The following SGCZ variants were observed in gnomAD, a reference collection of about 807,000 sequenced individuals.
SGCZ encodes the protein zeta-sarcoglycan.
In SGCZ, 40 loss-of-function variants were observed where a neutral mutation model predicts 41.3. That is an observed-to-expected ratio of 0.97 (90% confidence interval 0.75 to 1.26). The LOEUF (loss-of-function observed/expected upper bound fraction) is 1.26. Among genes scored for constraint, SGCZ ranks in the 50% most tolerant of loss-of-function variants. The pLI is 0.00. For missense variants in SGCZ, 552 were observed against 369.8 expected, an observed-to-expected ratio of 1.49 and a Z score of -4.04; for synonymous variants, 206 against 137.5, an observed-to-expected ratio of 1.50 and a Z score of -3.49.
intron 4 of SGCZ, among the ~76,000 whole-genome samples, chr8:14,196,617 C>T (rs568929836): frequency 3.3e-5 from 5 of 152,164 alleles, no homozygotes; most frequent in African/African-American, 1.2e-4. Flanking sequence ...TTAATAACTG[C>T]AATCTGAAAA....
At chr8:14,237,745 A>G in intron 3 of SGCZ, 66 bp from the exon 4 acceptor site, 3 of 1,297,726 alleles carry the variant, frequency 2.3e-6, no homozygotes, top group Non-Finnish European at 3.3e-6. Flanking sequence ...AAAAAAATAT[A>G]CTGCATTTGT....
chr8:14,797,519 A>T (rs1300430886), intron 1 of SGCZ, among the ~76,000 whole-genome samples: 1 of 152,232 alleles, frequency 6.6e-6, no homozygotes, highest in Non-Finnish European at 1.5e-5. Flanking sequence ...AGCATTCAAG[A>T]GGATGGCTAG....
At chr8:14,658,881 G>A (rs1486334496) in intron 1 of SGCZ, among the ~76,000 whole-genome samples, 5 of 151,190 alleles carry the variant, frequency 3.3e-5, no homozygotes, top group Non-Finnish European at 7.4e-5. Context: ...AAAGAGAAAA[G>A]AAGAAAGAAA....
intron 2 of SGCZ, among the ~76,000 whole-genome samples, chr8:14,473,358 A>G (rs1460594335): frequency 6.6e-6 from 1 of 152,206 alleles, no homozygotes; most frequent in Non-Finnish European, 1.5e-5. Context: ...TTCAGATTAA[A>G]CCAAAGTTCT....
At chr8:15,032,176 C>A (rs1000878263) in intron 1 of SGCZ, among the ~76,000 whole-genome samples, 1 of 151,952 alleles carries the variant, frequency 6.6e-6, no homozygotes, top group South Asian at 2.1e-4. Flanking sequence ...GACATTCAAG[C>A]GCTCACACCC....
At chr8:14,898,338 T>C (rs1205027192) in intron 1 of SGCZ, among the ~76,000 whole-genome samples, 2 of 152,154 alleles carry the variant, frequency 1.3e-5, no homozygotes, top group South Asian at 4.1e-4. Flanking sequence ...GTCAACAGCC[T>C]GTGCCAGGGT....
chr8:14,729,620 C>T (rs1385902839), intron 1 of SGCZ, among the ~76,000 whole-genome samples: 1 of 151,126 alleles, frequency 6.6e-6, no homozygotes, highest in African/African-American at 2.4e-5. Context: ...CTTGATCTTG[C>T]ACTTACAGCA....
intron 1 of SGCZ, among the ~76,000 whole-genome samples, chr8:14,564,221 T>C (rs1804290313): frequency 6.6e-6 from 1 of 152,226 alleles, no homozygotes; most frequent in African/African-American, 2.4e-5. Flanking sequence ...GCAAATTTAA[T>C]CTGGATTCCA....
intron 2 of SGCZ, among the ~76,000 whole-genome samples, chr8:14,390,300 TTTTG>T (rs1476513448): frequency 1.3e-5 from 2 of 151,838 alleles, no homozygotes; most frequent in African/African-American, 4.8e-5. Context: ...TAAAATATTA[TTTTG>T]TTTAATAATT....
At chr8:14,122,513 G>A (rs528061800) in intron 5 of SGCZ, among the ~76,000 whole-genome samples, 1 of 152,228 alleles carries the variant, frequency 6.6e-6, no homozygotes, top group Non-Finnish European at 1.5e-5. Flanking sequence ...TAATCAAAAT[G>A]TTCATCAATA....
At chr8:15,002,580 G>A (rs548805436) in intron 1 of SGCZ, among the ~76,000 whole-genome samples, 7 of 152,146 alleles carry the variant, frequency 4.6e-5, no homozygotes, top group African/African-American at 1.4e-4. Context: ...AAATTGAAGT[G>A]AGAAATAAGA....
intron 3 of SGCZ, among the ~76,000 whole-genome samples, chr8:14,254,457 G>C (rs1161323237): frequency 6.6e-6 from 1 of 152,122 alleles, no homozygotes; most frequent in Non-Finnish European, 1.5e-5. Flanking sequence ...TAGAGCATTA[G>C]GGATATAGTC....
chr8:14,481,977 C>T (rs1466294044), intron 2 of SGCZ, among the ~76,000 whole-genome samples: 2 of 152,144 alleles, frequency 1.3e-5, no homozygotes, highest in African/African-American at 4.8e-5. Context: ...ACCTACCGGA[C>T]CACACCATTG....
At chr8:14,691,027 A>G (rs1394990877) in intron 1 of SGCZ, among the ~76,000 whole-genome samples, 1 of 152,180 alleles carries the variant, frequency 6.6e-6, no homozygotes, top group African/African-American at 2.4e-5. Flanking sequence ...GAAATACATG[A>G]AGGAATCAAT....
intron 1 of SGCZ, among the ~76,000 whole-genome samples, chr8:15,101,530 C>T (rs1806613896): frequency 6.6e-6 from 1 of 152,144 alleles, no homozygotes. Context: ...ATTAAAACAA[C>T]ATGAGATACC....
At chr8:15,141,227 C>T (rs892685492) in intron 1 of SGCZ, among the ~76,000 whole-genome samples, 1 of 152,230 alleles carries the variant, frequency 6.6e-6, no homozygotes. Flanking sequence ...ACACAACCCA[C>T]ATAATACCAG....
At chr8:14,510,088 C>A (rs918530023) in intron 2 of SGCZ, among the ~76,000 whole-genome samples, 1 of 152,010 alleles carries the variant, frequency 6.6e-6, no homozygotes, top group Non-Finnish European at 1.5e-5. Context: ...ATTCCCAATG[C>A]AATGAAGAAG....
intron 1 of SGCZ, among the ~76,000 whole-genome samples, chr8:14,740,375 G>A (rs140860512): frequency 5.3e-4 from 81 of 151,522 alleles, no homozygotes; most frequent in Middle Eastern, 3.4e-3. Context: ...TCATCTGTAG[G>A]TAGGGGTGTG....
chr8:14,869,562 C>T (rs559513174), intron 1 of SGCZ, among the ~76,000 whole-genome samples: 10 of 152,152 alleles, frequency 6.6e-5, no homozygotes, highest in Non-Finnish European at 1.3e-4. Flanking sequence ...CACTCCTATT[C>T]AACATAGTGT....
Sources: allele counts gnomAD v4.1 joint callset (sites outside exome capture counted in the v4.1 genomes callset), GRCh38; gene constraint gnomAD v4.1.1; transcripts MANE v1.5; gene names NCBI Gene and HGNC (gene_info 2026-07-23, HGNC 2026-07-21).